The following SLC16A10 variants were observed in gnomAD, a reference collection of about 807,000 sequenced individuals.
SLC16A10 encodes the protein monocarboxylate transporter 10.
A neutral mutation model predicts 40.0 loss-of-function variants in SLC16A10; 27 were observed. The observed-to-expected ratio is 0.67, with a 90% CI of 0.50 to 0.93. The LOEUF is 0.93. Ranked by LOEUF, SLC16A10 falls within the 40% of genes least tolerant of loss-of-function variation. The pLI is 0.00. For missense variants in SLC16A10, 529 were observed against 658.2 expected (o/e 0.80, Z 2.15); for synonymous variants, 213 against 249.8 (o/e 0.85, Z 1.39).
chr6:111,087,718 C>A lies in SLC16A10; in HGVS notation c.-35C>A. ...GCCCGCTGGTAACTCGCGTCCCTCG[C>A]GCTTCTCCGGCGCCTGAGGGGCCCG... On this transcript the variant is annotated 5_prime_UTR_variant, in exon 1 of 6. Coordinates refer to ENST00000368851, the MANE Select transcript of SLC16A10 (RefSeq NM_018593.5). 1 of 1,142,158 alleles carries A rather than the reference C, an allele frequency of 8.8e-7. No homozygotes were observed. Among genetic ancestry groups the A allele is most frequent in the Non-Finnish European group, 1.1e-6 (1 of 914,530 alleles). The allele number at this position is 1,142,158 out of a possible 1,614,324, so 70.8% of individuals were successfully genotyped here. A position where few individuals can be genotyped will look rare whatever the true frequency, so the allele number is the denominator to read the frequency against.
rs149374548 is a variant in SLC16A10 at position 111,206,600 on chromosome 6, T to C, written c.951T>C (p.His317=). The C allele has an allele frequency of 1.9e-3, 3,018 of 1,614,072 alleles. 6 individuals are homozygous for C. Among genetic ancestry groups the C allele is most frequent in the Non-Finnish European group, 2.2e-3 (2,562 of 1,179,992 alleles). The change falls in exon 4 of 6, where the codon CAT becomes CAC. Residue 317 remains histidine (H), a synonymous_variant. Coordinates refer to ENST00000368851, the MANE Select transcript of SLC16A10 (RefSeq NM_018593.5). ...TTCTCTTTGGCCTATAGATGAAACATGTAAATGAAAGATTTCAAGATGAAA... is the reference window on the plus strand; with the variant it reads ...TTCTCTTTGGCCTATAGATGAAACACGTAAATGAAAGATTTCAAGATGAAA... The part of the protein sequence containing the change: ...YFVPYVHLMK[H]VNERFQDEKN...
chr6:111,214,589 G>T (rs928045267), intron 4 of SLC16A10, among the ~76,000 whole-genome samples: 15 of 152,160 alleles, frequency 9.9e-5, no homozygotes, highest in African/African-American at 3.6e-4. Context: ...ATTAACATCT[G>T]CTGGGAAAGA....
At chr6:111,146,240 A>G (rs1029613213) in intron 1 of SLC16A10, among the ~76,000 whole-genome samples, 4 of 152,232 alleles carry the variant, frequency 2.6e-5, no homozygotes, top group Non-Finnish European at 2.9e-5. Flanking sequence ...GAGAAATGCA[A>G]ATAGAAGTCA....
intron 1 of SLC16A10, among the ~76,000 whole-genome samples, chr6:111,162,025 A>G (rs1772381073): frequency 6.6e-6 from 1 of 152,230 alleles, no homozygotes; most frequent in Non-Finnish European, 1.5e-5. Context: ...GGGTTAGTCT[A>G]AAATGCAGAC....
chr6:111,223,431 A>G lies in SLC16A10; in HGVS notation c.*1196A>G, dbSNP rs1023830084. On this transcript the variant is annotated 3_prime_UTR_variant, in exon 6 of 6. Coordinates refer to ENST00000368851, the MANE Select transcript of SLC16A10 (RefSeq NM_018593.5). ...TAAAACCAAAGTCATGCCATGACCC[A>G]TACTCATTTACAAAAACAAGAACAC... is the stretch of plus-strand genomic sequence containing the variant. 2 of 152,198 alleles carry G rather than the reference A, an allele frequency of 1.3e-5. No individual in the cohort carries two copies. The highest frequency in any genetic ancestry group is 3.8e-4 in the East Asian group (2 of 5,196). 9.4% of individuals were successfully genotyped at this position (152,198 alleles called of 1,614,324 possible).
chr6:111,215,126 TA>T (rs1220061129), intron 4 of SLC16A10, among the ~76,000 whole-genome samples: 1 of 150,010 alleles, frequency 6.7e-6, no homozygotes, highest in Non-Finnish European at 1.5e-5. Flanking sequence ...CTCAAAAAAA[TA>T]AAAAAAATAA....
chr6:111,161,222 CAAAAAAAAAAA>C (rs57463212), intron 1 of SLC16A10, among the ~76,000 whole-genome samples: 2 of 42,426 alleles, frequency 4.7e-5, no homozygotes, highest in Non-Finnish European at 7.9e-5. Flanking sequence ...GACAGTGTCT[CAAAAAAAAAAA>C]AAAAAAAAAA....
intron 1 of SLC16A10, among the ~76,000 whole-genome samples, chr6:111,160,500 C>T (rs1278967239): frequency 6.6e-6 from 1 of 152,244 alleles, no homozygotes; most frequent in African/African-American, 2.4e-5. Context: ...ACTCAGCCTC[C>T]CAAAGTGCTG....
At chr6:111,170,397 A>G (rs1203890429) in intron 1 of SLC16A10, among the ~76,000 whole-genome samples, 1 of 152,240 alleles carries the variant, frequency 6.6e-6, no homozygotes, top group African/African-American at 2.4e-5. Flanking sequence ...ATAAATAAAA[A>G]ATAAAAGTAG....
chr6:111,190,661 G>A (rs1772974946), intron 3 of SLC16A10, among the ~76,000 whole-genome samples: 1 of 152,230 alleles, frequency 6.6e-6, no homozygotes, highest in Non-Finnish European at 1.5e-5. Context: ...AACACCATGT[G>A]GAAGCTGCCA....
chr6:111,137,568 G>A lies in SLC16A10; in HGVS notation c.344-35127G>A, dbSNP rs547320973. The stretch of plus-strand genomic sequence containing the variant: ...ATGCAGTCTATGACTCAAATCTACC[G>A]CGGACCCTTGGACCGGCCTGCTAGT... On this transcript the variant is annotated intron_variant, in intron 1 of 5. Coordinates refer to ENST00000368851, the MANE Select transcript of SLC16A10 (RefSeq NM_018593.5). 2.0e-5 allele frequency among the ~76,000 whole-genome samples: 3 copies of A among 152,290 alleles called. No individual in the cohort carries two copies. In the East Asian group the frequency reaches 5.8e-4, roughly 29 times the overall value.
At chr6:111,134,606 T>C (rs578255401) in intron 1 of SLC16A10, among the ~76,000 whole-genome samples, 2 of 151,684 alleles carry the variant, frequency 1.3e-5, no homozygotes, top group Non-Finnish European at 2.9e-5. Context: ...GCAAGCGGAC[T>C]TTGGAGGCTC....
At chr6:111,156,418 A>G (rs1339666866) in intron 1 of SLC16A10, among the ~76,000 whole-genome samples, 1 of 152,228 alleles carries the variant, frequency 6.6e-6, no homozygotes, top group Non-Finnish European at 1.5e-5. Context: ...CATCAAAAGC[A>G]CTAAGCCATG....
intron 1 of SLC16A10, among the ~76,000 whole-genome samples, chr6:111,155,849 A>G (rs539339554): frequency 4.3e-4 from 65 of 152,340 alleles, no homozygotes; most frequent in Non-Finnish European, 8.7e-4. Context: ...AGAAGCCATG[A>G]CATCCCTGTT....
At chr6:111,147,799 T>C (rs986472612) in intron 1 of SLC16A10, among the ~76,000 whole-genome samples, 1 of 152,178 alleles carries the variant, frequency 6.6e-6, no homozygotes, top group African/African-American at 2.4e-5. Flanking sequence ...GAACAACAGA[T>C]GTGGAGTTGT....
intron 1 of SLC16A10, among the ~76,000 whole-genome samples, chr6:111,160,442 A>G (rs1772349437): frequency 6.6e-6 from 1 of 152,202 alleles, no homozygotes; most frequent in African/African-American, 2.4e-5. Context: ...GGGTTTCACC[A>G]TGTTGGGAAG....
At chr6:111,138,655 T>C (rs1771924802) in intron 1 of SLC16A10, among the ~76,000 whole-genome samples, 1 of 152,136 alleles carries the variant, frequency 6.6e-6, no homozygotes. Flanking sequence ...GCTTTTTTTT[T>C]TTCTTTTTTT....
intron 1 of SLC16A10, among the ~76,000 whole-genome samples, chr6:111,121,759 A>C (rs1771588243): frequency 6.6e-6 from 1 of 152,160 alleles, no homozygotes; most frequent in African/African-American, 2.4e-5. Flanking sequence ...TGTCCTCTGC[A>C]GTTGCACAGG....
intron 1 of SLC16A10, among the ~76,000 whole-genome samples, chr6:111,139,228 A>G (rs889969800): frequency 1.3e-5 from 2 of 151,694 alleles, no homozygotes; most frequent in African/African-American, 4.8e-5. Context: ...AAAAGACATG[A>G]CCTTATTCTT....
Sources: allele counts gnomAD v4.1 joint callset (sites outside exome capture counted in the v4.1 genomes callset), GRCh38; gene constraint gnomAD v4.1.1; transcripts MANE v1.5; gene names NCBI Gene and HGNC (gene_info 2026-07-23, HGNC 2026-07-21).